KCNG2: variants seen among roughly 807,000 people sequenced by gnomAD.
KCNG2 encodes the protein voltage-gated potassium channel regulatory subunit KCNG2.
A neutral mutation model predicts 12.3 loss-of-function variants in KCNG2; 7 were observed. The observed-to-expected ratio is 0.57, with a 90% confidence interval of 0.32 to 1.07. The LOEUF (loss-of-function observed/expected upper bound fraction) is 1.07, where lower values mean the gene tolerates loss of function less well. Ranked by LOEUF, KCNG2 falls within the 50% of genes least tolerant of loss-of-function variation. KCNG2 has a pLI of 0.04. For synonymous variants in KCNG2, 414 were observed against 351.4 expected (o/e 1.18, Z -1.99); for missense variants, 703 against 726.0 (o/e 0.97, Z 0.36).
At chr18:79,856,997 T>C (rs1034268651) in intron 2 of KCNG2, among the ~76,000 whole-genome samples, 114 of 91,398 alleles carry the variant, frequency 1.2e-3, no homozygotes, top group African/African-American at 4.5e-3. Flanking sequence ...GCCCTTCTGC[T>C]GGGCCAGCCC....
intron 1 of KCNG2, among the ~76,000 whole-genome samples, chr18:79,841,841 G>T (rs1978468670): frequency 6.6e-6 from 1 of 152,162 alleles, no homozygotes; most frequent in Non-Finnish European, 1.5e-5. Flanking sequence ...TGGAGCACAG[G>T]AATAAGGAAA....
chr18:79,846,530 T>C (rs1978636972), intron 1 of KCNG2, among the ~76,000 whole-genome samples: 1 of 152,224 alleles, frequency 6.6e-6, no homozygotes, highest in South Asian at 2.1e-4. Context: ...TACTCATCTT[T>C]AGTTTACAAC....
At position 79,879,914 on chromosome 18, in the gene KCNG2, G is replaced by A. The variant is rs115460343; in HGVS notation, c.624+15623G>A. ...GGAAGGGGCCCCCTGGGTCGTAGGC[G>A]GGTGGCACTAAGCAGTTCTGGAATG... On this transcript the variant is annotated intron_variant, in intron 3 of 3. Coordinates refer to ENST00000316249, the MANE Select transcript of KCNG2 (RefSeq NM_012283.2). Among the ~76,000 whole-genome samples the A allele has an allele frequency of 3.3e-3, 503 of 152,334 alleles. 3 individuals carry two copies. Among genetic ancestry groups the A allele is most frequent in the African/African-American group, 0.01 (434 of 41,580 alleles).
intron 1 of KCNG2, among the ~76,000 whole-genome samples, chr18:79,801,251 A>G (rs968020119): frequency 2.6e-5 from 4 of 152,270 alleles, no homozygotes; most frequent in African/African-American, 9.6e-5. Flanking sequence ...GTAATATAAA[A>G]ATAGCGCAGA....
In KCNG2 at chr18:79,800,292, G is replaced by T. The variant is rs553039233; in HGVS notation, c.-115+2278G>T. 2.6e-5 allele frequency among the ~76,000 whole-genome samples: 4 copies of T among 152,224 alleles called. No individual in the cohort carries two copies. The highest frequency in any genetic ancestry group is 9.6e-5 in the African/African-American group (4 of 41,540). Reference sequence around the variant, plus strand: ...GTCTGAGTACTGCGCGCCTGTCCACGGATGGGTAATTTTGTAATGAATGGG... The same window carrying T: ...GTCTGAGTACTGCGCGCCTGTCCACTGATGGGTAATTTTGTAATGAATGGG... On this transcript the variant is annotated intron_variant, in intron 1 of 3. Transcript: ENST00000316249. This position sits in a 1 kb window ranked among gnomAD's most constrained non-coding sequence, Gnocchi z 4.0.
intron 3 of KCNG2, among the ~76,000 whole-genome samples, chr18:79,879,342 C>T (rs370853397): frequency 1.3e-5 from 2 of 152,182 alleles, no homozygotes; most frequent in Admixed American, 6.5e-5. Context: ...TTAGCGCCCC[C>T]GTCTCGAGGA....
At chr18:79,877,059 G>A (rs543311767) in intron 3 of KCNG2, among the ~76,000 whole-genome samples, 1 of 152,252 alleles carries the variant, frequency 6.6e-6, no homozygotes, top group Non-Finnish European at 1.5e-5. Flanking sequence ...GCAAAGGCCT[G>A]TTGTGCTGTT....
chr18:79,844,183 G>C (rs1336257397), intron 1 of KCNG2, among the ~76,000 whole-genome samples: 1 of 152,148 alleles, frequency 6.6e-6, no homozygotes, highest in Non-Finnish European at 1.5e-5. Context: ...TCATGGATGA[G>C]TGGCTGAAGA....
chr18:79,868,461 C>A (rs1979699708), intron 3 of KCNG2, among the ~76,000 whole-genome samples: 1 of 152,230 alleles, frequency 6.6e-6, no homozygotes, highest in Non-Finnish European at 1.5e-5. Flanking sequence ...CCGAGCGTTG[C>A]AGCTGCTGCT....
intron 1 of KCNG2, among the ~76,000 whole-genome samples, chr18:79,829,605 G>A (rs1479668355): frequency 1.3e-5 from 2 of 152,042 alleles, no homozygotes; most frequent in Non-Finnish European, 2.9e-5. Flanking sequence ...CCTCACACCG[G>A]TCCTTCTCTG....
At chr18:79,847,530 C>T (rs578229572) in intron 1 of KCNG2, among the ~76,000 whole-genome samples, 8 of 152,354 alleles carry the variant, frequency 5.3e-5, no homozygotes, top group East Asian at 1.9e-4. Context: ...GGGTCTTGCT[C>T]ATGTAGATTA....
At chr18:79,806,132 G>C (rs1280572036) in intron 1 of KCNG2, among the ~76,000 whole-genome samples, 2 of 152,178 alleles carry the variant, frequency 1.3e-5, no homozygotes, top group Non-Finnish European at 2.9e-5. Context: ...TCGCCCAGTG[G>C]GACTCAGTGG....
intron 2 of KCNG2, among the ~76,000 whole-genome samples, chr18:79,861,548 G>A (rs1211259163): frequency 3.3e-5 from 5 of 152,108 alleles, no homozygotes; most frequent in Non-Finnish European, 7.4e-5. Flanking sequence ...CAAAGTGCTG[G>A]GATTACAGGC....
intron 3 of KCNG2, among the ~76,000 whole-genome samples, chr18:79,872,446 G>A (rs1158507540): frequency 6.6e-6 from 1 of 152,036 alleles, no homozygotes; most frequent in Admixed American, 6.5e-5. Context: ...ACCACGCCCA[G>A]CTAATTTTTG....
chr18:79,817,910 G>T (rs1210160406), intron 1 of KCNG2, among the ~76,000 whole-genome samples: 3 of 152,220 alleles, frequency 2.0e-5, no homozygotes, highest in Non-Finnish European at 4.4e-5. Flanking sequence ...TGCCCTGAGG[G>T]TGCTGTGAGG....
At chr18:79,840,237 CA>C (rs1393624238) in intron 1 of KCNG2, among the ~76,000 whole-genome samples, 22 of 151,276 alleles carry the variant, frequency 1.5e-4, no homozygotes, top group East Asian at 5.8e-4. Flanking sequence ...TACAAAAAGC[CA>C]AAAAAAACTC....
rs755591759 is a variant in KCNG2 at position 79,800,474 on chromosome 18, C to T, written c.-115+2460C>T. On this transcript the variant is annotated intron_variant, in intron 1 of 3. Transcript: ENST00000316249. This position sits in a 1 kb window ranked among gnomAD's most constrained non-coding sequence, Gnocchi z 4.0. ...GAGTCCAACGAGGGCGGGCATTGAC[C>T]GAGGTAGTTTAAGACCCCCTTCCTC... is the stretch of plus-strand genomic sequence containing the variant. Among the ~76,000 whole-genome samples the T allele has an allele frequency of 7.9e-5, 12 of 152,116 alleles. No individual in the cohort carries two copies. Among genetic ancestry groups the T allele is most frequent in the East Asian group, 7.7e-4 (4 of 5,174 alleles).
At chr18:79,887,805 G>C (rs1269258292) in intron 3 of KCNG2, among the ~76,000 whole-genome samples, 1 of 152,186 alleles carries the variant, frequency 6.6e-6, no homozygotes, top group Non-Finnish European at 1.5e-5. Context: ...ACTTTTCCCA[G>C]GGCCTGTGAA....
At chr18:79,807,587 CTCT>C (rs767593776) in intron 1 of KCNG2, among the ~76,000 whole-genome samples, 1 of 152,220 alleles carries the variant, frequency 6.6e-6, no homozygotes, top group East Asian at 1.9e-4. Flanking sequence ...CACTAATTCT[CTCT>C]TCTTAATGCT....
Sources: allele counts gnomAD v4.1 joint callset (sites outside exome capture counted in the v4.1 genomes callset), GRCh38; gene constraint gnomAD v4.1.1; non-coding constraint Gnocchi (gnomAD v3.1); transcripts MANE v1.5; gene names NCBI Gene and HGNC (gene_info 2026-07-23, HGNC 2026-07-21).